The following MICAL3 variants were observed in gnomAD, a reference collection of about 807,000 sequenced individuals.
The protein encoded by MICAL3 is microtubule associated monooxygenase, calponin and LIM domain containing 3.
Under a neutral mutation model 207.4 loss-of-function variants are expected in MICAL3, and 62 were observed. The ratio of observed to expected loss-of-function variants is 0.30; its 90% CI spans 0.24 to 0.37. The LOEUF (loss-of-function observed/expected upper bound fraction) is 0.37. Among genes scored for constraint, MICAL3 ranks in the 10% least tolerant of loss-of-function variants. The pLI, the probability that MICAL3 is intolerant of heterozygous loss-of-function variation, is 1.00. For synonymous variants in MICAL3, 1,077 were observed against 1,069.3 expected (o/e 1.01, Z -0.14); for missense variants, 2,368 against 2,635.6 (o/e 0.90, Z 2.22).
At chr22:18,011,870 C>T (rs144932347) in intron 1 of MICAL3, among the ~76,000 whole-genome samples, 1,692 of 150,522 alleles carry the variant, frequency 0.011, 28 homozygotes, top group African/African-American at 0.039. Flanking sequence ...CCAGCCTGGG[C>T]GACGGAGCGA....
chr22:17,829,165 C>CTT (rs11345969), intron 21 of MICAL3, among the ~76,000 whole-genome samples: 41 of 127,608 alleles, frequency 3.2e-4, no homozygotes, highest in African/African-American at 1.0e-3. Context: ...GTGAATTTGC[C>CTT]TTTTTTTTTT....
At position 17,817,939 on chromosome 22, in the gene MICAL3, C is replaced by A. The variant is rs200708295; in HGVS notation, c.4722G>T (p.Thr1574=). 1.2e-6 allele frequency: 2 copies of A among 1,612,432 alleles called. 1 individual carries two copies. Among genetic ancestry groups the A allele is most frequent in the South Asian group, 2.2e-5 (2 of 91,086 alleles). ...GCAGCCCCCTCTTCTGTGGCTGCAGCGTCCCCTCCAGAGCAGGCAGCCTCC... is the reference window on the plus strand; with the variant it reads ...GCAGCCCCCTCTTCTGTGGCTGCAGAGTCCCCTCCAGAGCAGGCAGCCTCC... ...ENGRLPALEG[T]LQPQKRGLPL... Residue 1574 remains threonine (T), a synonymous_variant, in exon 26 of 32, where the codon ACG becomes ACT. Coordinates refer to ENST00000441493, the MANE Select transcript of MICAL3 (RefSeq NM_015241.3).
chr22:17,836,647 G>GTT (rs745531683), intron 20 of MICAL3, among the ~76,000 whole-genome samples: 25 of 141,852 alleles, frequency 1.8e-4, no homozygotes, highest in South Asian at 2.3e-4. Flanking sequence ...TTCCTGGGTG[G>GTT]TTTTTTTTTT....
rs1556164716 is a variant in MICAL3, at chr22:17,876,784, G to GGGAGGTTAA, written c.2242-4762_2242-4761insTTAACCTCC. The GGGAGGTTAA allele has an allele frequency of 2.6e-3, 145 of 55,620 alleles. 2 individuals are homozygous for GGGAGGTTAA. The highest frequency in any genetic ancestry group is 7.5e-3 in the East Asian group (11 of 1,472). The allele number at this position is 55,620 out of a possible 1,614,324, so 3.4% of individuals were successfully genotyped here. A position where few individuals can be genotyped will look rare whatever the true frequency, so the allele number is the denominator to read the frequency against. Reference sequence around the variant, plus strand: ...GAGGTTAGGGAAGTTATGGAGGTTAGGGAGGTTAGGGAAGTTATGGAGGTT... The same window carrying GGGAGGTTAA: ...GAGGTTAGGGAAGTTATGGAGGTTAGGGAGGTTAAGGAGGTTAGGGAAGTTATGGAGGTT... On this transcript the variant is annotated intron_variant, in intron 16 of 31. Coordinates refer to ENST00000441493, the MANE Select transcript of MICAL3 (RefSeq NM_015241.3).
rs552844818 is a variant in MICAL3 at position 17,926,338 on chromosome 22, G to A, written c.-74-19452C>T. Among the ~76,000 whole-genome samples the A allele has an allele frequency of 2.0e-3, 304 of 152,296 alleles. 1 individual carries two copies. The highest frequency in any genetic ancestry group is 2.7e-3 in the Non-Finnish European group (186 of 68,016). On this transcript the variant is annotated intron_variant, in intron 1 of 31. Transcript: ENST00000441493. ...AGAAGCGTGAATCTGTAGAGTAACC[G>A]AAAAGCAAACCTGGTGGAGAACAAA...
At chr22:17,879,347 C>A (rs766759301) in intron 16 of MICAL3, 19 of 1,609,312 alleles carry the variant, frequency 1.2e-5, no homozygotes, top group African/African-American at 1.3e-5. Context: ...CTCTTTTACC[C>A]TCTCATGGTG....
chr22:17,861,736 C>T, intron 19 of MICAL3: 2 of 985,404 alleles, frequency 2.0e-6, no homozygotes, highest in South Asian at 9.4e-5. Context: ...GGAAACACAG[C>T]ATTCATAGAT....
At chr22:17,923,862 A>G (rs1320435078) in intron 1 of MICAL3, among the ~76,000 whole-genome samples, 1 of 152,266 alleles carries the variant, frequency 6.6e-6, no homozygotes, top group Non-Finnish European at 1.5e-5. Flanking sequence ...CTGCTAATAA[A>G]GACATATCTG....
intron 16 of MICAL3, among the ~76,000 whole-genome samples, chr22:17,884,008 C>CACCT (rs1359905808): frequency 1.3e-5 from 2 of 152,188 alleles, no homozygotes; most frequent in East Asian, 3.8e-4. Flanking sequence ...TTGGGTGAGC[C>CACCT]ACCTACCACA....
chr22:18,004,183 G>C (rs1274550657), intron 1 of MICAL3: 1 of 152,106 alleles, frequency 6.6e-6, no homozygotes, highest in Non-Finnish European at 1.5e-5. Context: ...GAAGCTGCTA[G>C]CTTACAGAGC....
intron 1 of MICAL3, among the ~76,000 whole-genome samples, chr22:17,974,143 T>G (rs1289930612): frequency 6.6e-6 from 1 of 152,004 alleles, no homozygotes; most frequent in Non-Finnish European, 1.5e-5. Flanking sequence ...TGAACACAGG[T>G]AAGGAAAGTG....
Position 17,817,364 on chromosome 22 carries a change from C to T in MICAL3, c.5297G>A (p.Ser1766Asn), listed in dbSNP as rs778789375. 1.1e-5 allele frequency: 17 copies of T among 1,611,588 alleles called. No homozygotes were observed. Among genetic ancestry groups the T allele is most frequent in the Non-Finnish European group, 1.4e-5 (17 of 1,179,306 alleles). Reference protein sequence around the residue: ...DDKSCPSTPSSGATVDSGKHR... With the variant: ...DDKSCPSTPSNGATVDSGKHR... ...CTTTCCAGAGTCCACCGTGGCCCCG[C>T]TGGAGGGGGTGCTGGGGCAGGACTT... Residue 1766 changes from serine to asparagine, a missense_variant, in exon 26 of 32, where the codon AGC becomes AAC. Physicochemically the swap from Ser to Asn is conservative, Grantham distance 46. This residue lies in a region of MICAL3 where 1,770 missense variants were observed against 1,863.2 expected (regional missense o/e 0.95). Coordinates refer to ENST00000441493, the MANE Select transcript of MICAL3 (RefSeq NM_015241.3).
chr22:17,818,478 C>T lies in MICAL3; in HGVS notation c.4183G>A (p.Glu1395Lys), dbSNP rs780397587. ...GTTGGCAGGGACAACGGCTCGCCTT[C>T]CGGCTTTGGCAGGCCCAGCCTTTTG... Reference protein sequence around the residue: ...IPKRLGLPKPEGEPLSLPTPR... With the variant: ...IPKRLGLPKPKGEPLSLPTPR... The change falls in exon 26 of 32, where the codon GAA (glutamate) becomes AAA (lysine). Residue 1395 changes from glutamate to lysine, a missense_variant. Physicochemically the swap from Glu to Lys is moderately conservative, Grantham distance 56. Around this residue, in one of 4 missense-constraint regions of MICAL3, gnomAD observed 1,770 missense variants for 1,863.2 expected, o/e 0.95. Transcript: ENST00000441493. The T allele has an allele frequency of 2.5e-6, 4 of 1,612,880 alleles. No individual in the cohort carries two copies. The highest frequency in any genetic ancestry group is 3.4e-6 in the Non-Finnish European group (4 of 1,179,876).
intron 19 of MICAL3, among the ~76,000 whole-genome samples, chr22:17,853,655 CTG>C (rs1197892991): frequency 2.0e-5 from 3 of 152,202 alleles, no homozygotes; most frequent in Admixed American, 6.5e-5. Flanking sequence ...CATGGTGAAA[CTG>C]AGGCTCACAG....
Position 17,841,945 on chromosome 22 carries a change from A to G in MICAL3, c.2678T>C (p.Leu893Pro). The change falls in exon 20 of 32, where the codon CTG becomes CCG. Residue 893 changes from leucine to proline, a missense_variant. Physicochemically the swap from Leu to Pro is moderately conservative, Grantham distance 98. Around this residue, in one of 4 missense-constraint regions of MICAL3, gnomAD observed 1,770 missense variants for 1,863.2 expected, o/e 0.95. Transcript: ENST00000441493. The surrounding 1 kb of genome is among the most constrained non-coding windows in gnomAD (Gnocchi z 4.2). ...CCTCAGGGACAGGCGGTAGTTCTCCAGCTCGATCCGCTCTGGGGTGCCCCT... is the reference window on the plus strand; with the variant it reads ...CCTCAGGGACAGGCGGTAGTTCTCCGGCTCGATCCGCTCTGGGGTGCCCCT... ...RLRGTPERIELENYRLSLRQA... is the reference protein window; with the variant it reads ...RLRGTPERIEPENYRLSLRQA... 1 of 1,605,438 alleles carries G rather than the reference A, an allele frequency of 6.2e-7. No homozygotes were observed. The highest frequency in any genetic ancestry group is 8.5e-7 in the Non-Finnish European group (1 of 1,177,824).
At chr22:17,880,097 C>A (rs534469959) in intron 16 of MICAL3, among the ~76,000 whole-genome samples, 1 of 152,298 alleles carries the variant, frequency 6.6e-6, no homozygotes, top group East Asian at 1.9e-4. Context: ...GAAAAACAGC[C>A]CCAAGGCCTC....
At chr22:17,806,231 G>A (rs565895387) in intron 29 of MICAL3, among the ~76,000 whole-genome samples, 7 of 152,204 alleles carry the variant, frequency 4.6e-5, no homozygotes, top group Admixed American at 3.3e-4. Context: ...CTGCAGCATA[G>A]TGCTCACCTG....
intron 1 of MICAL3, among the ~76,000 whole-genome samples, chr22:17,976,687 G>C (rs1935671014): frequency 7.3e-6 from 1 of 137,228 alleles, no homozygotes; most frequent in African/African-American, 2.6e-5. Context: ...AAGAGCTTTT[G>C]TGACTTAGTT....
At chr22:17,905,400 C>T (rs748186053) in intron 2 of MICAL3, among the ~76,000 whole-genome samples, 1 of 152,092 alleles carries the variant, frequency 6.6e-6, no homozygotes, top group Non-Finnish European at 1.5e-5. Context: ...AACATGATCT[C>T]GAAAATCCAC....
Sources: allele counts gnomAD v4.1 joint callset (sites outside exome capture counted in the v4.1 genomes callset), GRCh38; gene constraint gnomAD v4.1.1; regional missense constraint gnomAD v4.1.1; non-coding constraint Gnocchi (gnomAD v3.1); transcripts MANE v1.5; gene names NCBI Gene and HGNC (gene_info 2026-07-23, HGNC 2026-07-21).